Variants in CSMD1 observed in about 807,000 individuals in gnomAD.
CSMD1 encodes CUB and Sushi multiple domains 1, also known as CUB and sushi domain-containing protein 1.
In CSMD1, 213 loss-of-function variants were observed where a neutral mutation model predicts 417.5. The observed-to-expected ratio is 0.51, with a 90% CI of 0.46 to 0.57. The LOEUF (loss-of-function observed/expected upper bound fraction) is 0.57. Among genes scored for constraint, CSMD1 ranks in the 20% least tolerant of loss-of-function variants. The pLI, the probability that CSMD1 is intolerant of heterozygous loss-of-function variation, is 0.00. For missense variants in CSMD1, 6,923 were observed against 4,529.7 expected (o/e 1.53, Z -15.17); for synonymous variants, 2,862 against 1,736.8 (o/e 1.65, Z -16.11).
rs183745770 is a variant in CSMD1, at chr8:4,891,969, T to A, written c.85+102363A>T. 8.5e-4 allele frequency among the ~76,000 whole-genome samples: 129 copies of A among 152,082 alleles called. 2 individuals are homozygous for A. Among genetic ancestry groups the A allele is most frequent in the Non-Finnish European group, 4.6e-4 (31 of 68,006 alleles). On this transcript the variant is annotated intron_variant, in intron 1 of 69. Transcript: ENST00000635120. ...GAAGATGGCCTTTACAGACATAAAT[T>A]CCAAAAGAGGTAAGACCAAAATAGC...
intron 2 of CSMD1, among the ~76,000 whole-genome samples, chr8:4,477,528 C>T (rs547048660): frequency 8.5e-5 from 13 of 152,294 alleles, no homozygotes; most frequent in East Asian, 1.9e-4. Flanking sequence ...CATTTTCACA[C>T]GATGCTCTAT....
intron 4 of CSMD1, among the ~76,000 whole-genome samples, chr8:4,011,215 C>G (rs1254572295): frequency 2.0e-5 from 3 of 152,018 alleles, no homozygotes; most frequent in African/African-American, 7.3e-5. Flanking sequence ...TGTGTTCTAC[C>G]TTTCCTCTCT....
At chr8:4,563,242 A>T (rs984924828) in intron 2 of CSMD1, among the ~76,000 whole-genome samples, 3 of 152,134 alleles carry the variant, frequency 2.0e-5, no homozygotes, top group Non-Finnish European at 4.4e-5. Flanking sequence ...TCTACTAAAA[A>T]TACAAAAAAT....
chr8:4,968,713 G>C (rs1428207188), intron 1 of CSMD1, among the ~76,000 whole-genome samples: 1 of 152,082 alleles, frequency 6.6e-6, no homozygotes, highest in African/African-American at 2.4e-5. Flanking sequence ...ACCAGTGGCA[G>C]CAGATAAACG....
At chr8:2,999,640 C>G (rs1243811024) in intron 53 of CSMD1, among the ~76,000 whole-genome samples, 1 of 152,092 alleles carries the variant, frequency 6.6e-6, no homozygotes, top group Admixed American at 6.5e-5. Context: ...TCTCTCCACC[C>G]AGTTTATCCT....
intron 3 of CSMD1, among the ~76,000 whole-genome samples, chr8:4,071,365 TG>T (rs1456090773): frequency 6.6e-6 from 1 of 151,938 alleles, no homozygotes; most frequent in Non-Finnish European, 1.5e-5. Flanking sequence ...TATGTCATTT[TG>T]TATCTGTTAA....
At chr8:3,657,012 C>G (rs558854794) in intron 7 of CSMD1, among the ~76,000 whole-genome samples, 1 of 152,000 alleles carries the variant, frequency 6.6e-6, no homozygotes, top group South Asian at 2.1e-4. Context: ...CCACTCATGG[C>G]CAATGAGACA....
intron 3 of CSMD1, among the ~76,000 whole-genome samples, chr8:4,246,989 A>T (rs1008993520): frequency 1.3e-5 from 2 of 152,208 alleles, no homozygotes; most frequent in African/African-American, 4.8e-5. Context: ...AATTTATTGT[A>T]TTATTTATAA....
At chr8:4,675,261 T>G (rs1261523594) in intron 1 of CSMD1, among the ~76,000 whole-genome samples, 1 of 152,228 alleles carries the variant, frequency 6.6e-6, no homozygotes, top group African/African-American at 2.4e-5. Flanking sequence ...CTTAAAACTT[T>G]CACTTCTTAT....
intron 1 of CSMD1, among the ~76,000 whole-genome samples, chr8:4,644,193 G>C (rs909571869): frequency 1.2e-4 from 18 of 152,122 alleles, no homozygotes; most frequent in African/African-American, 4.1e-4. Flanking sequence ...GGAAAAGGGA[G>C]GTTTTCACTG....
At chr8:3,932,893 C>G (rs1810249619) in intron 5 of CSMD1, among the ~76,000 whole-genome samples, 1 of 149,932 alleles carries the variant, frequency 6.7e-6, no homozygotes, top group Non-Finnish European at 1.5e-5. Flanking sequence ...ATTTTCTATT[C>G]CAATAGCAAC....
chr8:4,885,412 G>C (rs1279343378), intron 1 of CSMD1, among the ~76,000 whole-genome samples: 2 of 151,992 alleles, frequency 1.3e-5, no homozygotes, highest in African/African-American at 4.8e-5. Context: ...TCTTGTTCCT[G>C]ATCTTAGGGG....
intron 25 of CSMD1, among the ~76,000 whole-genome samples, chr8:3,305,583 T>G (rs1232716628): frequency 6.6e-6 from 1 of 151,478 alleles, no homozygotes; most frequent in Non-Finnish European, 1.5e-5. Flanking sequence ...TGCTATGTGA[T>G]GCTCTCACCA....
At chr8:4,201,403 C>T (rs991728258) in intron 3 of CSMD1, among the ~76,000 whole-genome samples, 2 of 151,720 alleles carry the variant, frequency 1.3e-5, no homozygotes, top group African/African-American at 2.4e-5. Context: ...CCGGGGGTGG[C>T]GCTGGGCGCC....
chr8:3,168,952 T>C (rs1820411659), intron 37 of CSMD1, among the ~76,000 whole-genome samples: 1 of 152,110 alleles, frequency 6.6e-6, no homozygotes, highest in Admixed American at 6.5e-5. Flanking sequence ...GCTCACAAAT[T>C]ATATTAGCAT....
At chr8:3,549,964 G>C (rs978244088) in intron 10 of CSMD1, among the ~76,000 whole-genome samples, 2 of 152,108 alleles carry the variant, frequency 1.3e-5, no homozygotes, top group Non-Finnish European at 2.9e-5. Context: ...AGGTATCTTG[G>C]ATCTAGACAT....
At chr8:4,288,924 A>G (rs1440594463) in intron 3 of CSMD1, among the ~76,000 whole-genome samples, 1 of 152,212 alleles carries the variant, frequency 6.6e-6, no homozygotes, top group African/African-American at 2.4e-5. Context: ...CATTCCATAT[A>G]TAACATTAAA....
At chr8:4,915,591 G>T (rs539836069) in intron 1 of CSMD1, among the ~76,000 whole-genome samples, 5 of 152,308 alleles carry the variant, frequency 3.3e-5, no homozygotes, top group African/African-American at 9.6e-5. Context: ...AGGGACAGCT[G>T]GGGGACTGTT....
intron 3 of CSMD1, among the ~76,000 whole-genome samples, chr8:4,319,770 G>A (rs1041158710): frequency 8.5e-5 from 13 of 152,064 alleles, no homozygotes; most frequent in African/African-American, 2.7e-4. Context: ...GAGTTGCCGG[G>A]CAAAATACCA....
Sources: gnomAD v4.1 joint callset for allele counts (sites outside exome capture counted in the v4.1 genomes callset) on GRCh38, gnomAD v4.1.1 for gene constraint, MANE v1.5 for transcripts, NCBI Gene and HGNC (gene_info 2026-07-23, HGNC 2026-07-21) for gene names.